Variants in FGF3 observed in about 807,000 individuals in gnomAD.
The protein encoded by FGF3 is FGF-3.
FGF3 carries 7 observed loss-of-function variants against 9.8 expected under a neutral mutation model. The ratio of observed to expected loss-of-function variants is 0.72; its 90% CI spans 0.41 to 1.35. The LOEUF is 1.35. FGF3 is among the 40% of genes most tolerant of loss of function. FGF3 has a pLI of 0.01. For missense variants in FGF3, 390 were observed against 345.6 expected (o/e 1.13, Z -1.02); for synonymous variants, 173 against 157.2 (o/e 1.10, Z -0.75).
At chr11:69,816,207 C>T (rs1229984473) in intron 2 of FGF3, 113 bp downstream of exon 2, 3 of 858,316 alleles carry the variant, frequency 3.5e-6, no homozygotes, top group African/African-American at 3.3e-5. Context: ...TAGCTTGGGT[C>T]CCGTGTACCC....
intron 2 of FGF3, among the ~76,000 whole-genome samples, chr11:69,814,570 G>T (rs1204083428): frequency 6.6e-6 from 1 of 152,064 alleles, no homozygotes; most frequent in African/African-American, 2.4e-5. Context: ...GCATGCTGCC[G>T]GCAAAGTCCA....
At chr11:69,813,110 C>T (rs986648670) in intron 2 of FGF3, among the ~76,000 whole-genome samples, 8 of 152,184 alleles carry the variant, frequency 5.3e-5, no homozygotes, top group African/African-American at 1.4e-4. Flanking sequence ...CCCCCAGGGC[C>T]GCTTCCACCC....
chr11:69,816,488 G>T, intron 1 of FGF3, 65 bp from the exon 2 acceptor site: 1 of 1,299,850 alleles, frequency 7.7e-7, no homozygotes, highest in Non-Finnish European at 1.1e-6. Flanking sequence ...AGGCCCAGCT[G>T]GCCCTGCCCA....
chr11:69,812,223 G>T (rs1856040918), intron 2 of FGF3, among the ~76,000 whole-genome samples: 1 of 152,110 alleles, frequency 6.6e-6, no homozygotes, highest in Non-Finnish European at 1.5e-5. Flanking sequence ...CCCCATCTGG[G>T]GTGTGGTGTC....
rs782613495 is a variant in FGF3, at chr11:69,818,708, A to C, written c.220+6T>G. On this transcript the variant is annotated splice_donor_region_variant and intron_variant, in intron 1 of 2. Coordinates refer to ENST00000334134, the MANE Select transcript of FGF3 (RefSeq NM_005247.4). ...CCCCCGGGGCCCCGCAGCGTCCGGCACTCACTGTAGGCGCTGTTCTCCAGG... is the reference window on the plus strand; with the variant it reads ...CCCCCGGGGCCCCGCAGCGTCCGGCCCTCACTGTAGGCGCTGTTCTCCAGG... 1 of 1,476,338 alleles carries C rather than the reference A, an allele frequency of 6.8e-7. No homozygotes were observed. The highest frequency in any genetic ancestry group is 8.9e-7 in the Non-Finnish European group (1 of 1,119,720). 91.5% of individuals were successfully genotyped at this position (1,476,338 alleles called of 1,614,324 possible). A position where few individuals can be genotyped will look rare whatever the true frequency, so the allele number is the denominator to read the frequency against.
intron 2 of FGF3, among the ~76,000 whole-genome samples, chr11:69,812,181 G>A (rs547552614): frequency 7.2e-5 from 11 of 152,254 alleles, no homozygotes; most frequent in East Asian, 1.9e-4. Context: ...GGGACTGGCC[G>A]CAGGGAGGAG....
chr11:69,818,661 C>G, intron 1 of FGF3, 53 bp downstream of exon 1: 1 of 1,366,736 alleles, frequency 7.3e-7, no homozygotes. Context: ...TCTCCCGGGC[C>G]CGACCCCTCC....
rs542446120 is a variant in FGF3 at position 69,814,019 on chromosome 11, G to A, written c.324+2301C>T. ...CATGGACGGATGGACATGTGAATGGGCAGATGGACAGATGAACGGTTGGAA... is the reference window on the plus strand; with the variant it reads ...CATGGACGGATGGACATGTGAATGGACAGATGGACAGATGAACGGTTGGAA... On this transcript the variant is annotated intron_variant, in intron 2 of 2. Coordinates refer to ENST00000334134, the MANE Select transcript of FGF3 (RefSeq NM_005247.4). Among the ~76,000 whole-genome samples the A allele has an allele frequency of 2.0e-5, 3 of 152,014 alleles. No homozygotes were observed. The South Asian group carries it at 6.3e-4, about 32-fold the overall frequency.
In FGF3 at chr11:69,810,581, G is replaced by A. The variant is rs566764532; in HGVS notation, c.444C>T (p.Ser148=). ...CAGACACGTACCACAGTCTCTCGGCGCTGGGCTGCCGGCGGGCCCCAGGCG... is the reference window on the plus strand; with the variant it reads ...CAGACACGTACCACAGTCTCTCGGCACTGGGCTGCCGGCGGGCCCCAGGCG... The part of the protein sequence containing the change: ...SSTPGARRQP[S]AERLWYVSVN... The change falls in exon 3 of 3, where the codon AGC becomes AGT. Residue 148 remains serine (S), a synonymous_variant. Coordinates refer to ENST00000334134, the MANE Select transcript of FGF3 (RefSeq NM_005247.4). The A allele has an allele frequency of 6.2e-7, 1 of 1,611,742 alleles. No individual in the cohort carries two copies. The highest frequency in any genetic ancestry group is 1.1e-5 in the South Asian group (1 of 91,024).
chr11:69,811,002 C>T (rs545391310), intron 2 of FGF3, among the ~76,000 whole-genome samples: 20 of 152,360 alleles, frequency 1.3e-4, no homozygotes, highest in Middle Eastern at 6.8e-3. Flanking sequence ...CATCTGAGGG[C>T]GCTGACACAG....
At chr11:69,814,513 G>T (rs1393148542) in intron 2 of FGF3, among the ~76,000 whole-genome samples, 2 of 152,014 alleles carry the variant, frequency 1.3e-5, no homozygotes, top group Non-Finnish European at 2.9e-5. Context: ...GAGTGTCAGG[G>T]TGCAGTGCTC....
At position 69,810,169 on chromosome 11, in the gene FGF3, A is replaced by G; in HGVS notation, c.*136T>C. Reference sequence around the variant, plus strand: ...CCTCTTCAGTTCCCACTGGACCCTGATTTGAGCTGGCTCTGGAAATAGCTG... The same window carrying G: ...CCTCTTCAGTTCCCACTGGACCCTGGTTTGAGCTGGCTCTGGAAATAGCTG... On this transcript the variant is annotated 3_prime_UTR_variant, in exon 3 of 3. Coordinates refer to ENST00000334134, the MANE Select transcript of FGF3 (RefSeq NM_005247.4). The G allele has an allele frequency of 1.1e-6, 1 of 903,850 alleles. No individual in the cohort carries two copies. Among genetic ancestry groups the G allele is most frequent in the Non-Finnish European group, 1.6e-6 (1 of 617,364 alleles). 56.0% of individuals were successfully genotyped at this position (903,850 alleles called of 1,614,324 possible). A position where few individuals can be genotyped will look rare whatever the true frequency, so the allele number is the denominator to read the frequency against.
intron 1 of FGF3, among the ~76,000 whole-genome samples, chr11:69,818,288 C>T (rs1856174498): frequency 6.6e-6 from 1 of 152,154 alleles, no homozygotes; most frequent in African/African-American, 2.4e-5. Context: ...ATGCCTTGTC[C>T]GGCTCCTTTT....
At chr11:69,814,413 G>A (rs1321740721) in intron 2 of FGF3, among the ~76,000 whole-genome samples, 1 of 151,902 alleles carries the variant, frequency 6.6e-6, no homozygotes, top group African/African-American at 2.4e-5. Context: ...GGGAGTCGGG[G>A]AGCTGCTGAG....
intron 2 of FGF3, among the ~76,000 whole-genome samples, chr11:69,813,616 G>A (rs370961617): frequency 0.01 from 477 of 47,558 alleles, 5 homozygotes; most frequent in South Asian, 0.021. Flanking sequence ...GGATGGATGG[G>A]TGGATGGATG....
At position 69,818,831 on chromosome 11, in the gene FGF3, C is replaced by A. The variant is rs1430586811; in HGVS notation, c.103G>T (p.Val35Phe). The A allele has an allele frequency of 2.7e-6, 4 of 1,483,098 alleles. No individual in the cohort carries two copies. The highest frequency in any genetic ancestry group is 3.6e-6 in the Non-Finnish European group (4 of 1,123,486). The allele number at this position is 1,483,098 out of a possible 1,614,324, so 91.9% of individuals were successfully genotyped here. ...LRRDAGGRGG[V>F]YEHLGGAPRR... The stretch of plus-strand genomic sequence containing the variant: ...GGCGCCCCGCCAAGGTGCTCGTAGA[C>A]GCCGCCACGGCCGCCCGCATCGCGC... Residue 35 changes from valine (V) to phenylalanine (F), a missense_variant, in exon 1 of 3, where the codon GTC becomes TTC. Coordinates refer to ENST00000334134, the MANE Select transcript of FGF3 (RefSeq NM_005247.4).
intron 2 of FGF3, among the ~76,000 whole-genome samples, chr11:69,811,429 G>A (rs1200082040): frequency 7.8e-6 from 1 of 128,910 alleles, no homozygotes; most frequent in Non-Finnish European, 1.6e-5. Flanking sequence ...CAGTCTGGGC[G>A]ACAAGAGCAA....
At chr11:69,815,956 C>G (rs1856125510) in intron 2 of FGF3, among the ~76,000 whole-genome samples, 1 of 152,224 alleles carries the variant, frequency 6.6e-6, no homozygotes, top group Non-Finnish European at 1.5e-5. Context: ...CCAAGGAACA[C>G]TCCCAGGTTG....
At chr11:69,814,607 C>T (rs560324001) in intron 2 of FGF3, among the ~76,000 whole-genome samples, 105 of 152,158 alleles carry the variant, frequency 6.9e-4, no homozygotes, top group Non-Finnish European at 1.0e-3. Flanking sequence ...GACAGCACTC[C>T]TAGGCAAGCT....
Sources: allele counts gnomAD v4.1 joint callset (sites outside exome capture counted in the v4.1 genomes callset), GRCh38; gene constraint gnomAD v4.1.1; transcripts MANE v1.5; gene names NCBI Gene and HGNC (gene_info 2026-07-23, HGNC 2026-07-21).